Variants in SMARCAD1 observed in about 807,000 individuals in gnomAD.
SMARCAD1 encodes SNF2 related chromatin remodeling ATPase with DExD box 1.
SMARCAD1 carries 25 observed loss-of-function variants against 127.1 expected under a neutral mutation model. The observed-to-expected ratio is 0.20, with a 90% confidence interval of 0.14 to 0.27. The LOEUF (loss-of-function observed/expected upper bound fraction) is 0.27. Among genes scored for constraint, SMARCAD1 ranks in the 10% least tolerant of loss-of-function variants. The pLI is 1.00. For synonymous variants in SMARCAD1, 400 were observed against 396.9 expected (o/e 1.01, Z -0.09); for missense variants, 807 against 1,206.0 (o/e 0.67, Z 4.90).
intron 3 of SMARCAD1, among the ~76,000 whole-genome samples, chr4:94,226,714 A>C (rs991665361): frequency 6.6e-6 from 1 of 152,096 alleles, no homozygotes; most frequent in African/African-American, 2.4e-5. Flanking sequence ...GAAATACAAC[A>C]GTGAACAAAC....
At position 94,240,400 on chromosome 4, in the gene SMARCAD1, ATCC is replaced by A. The variant is rs1211648889; in HGVS notation, c.605-500_605-498del. Among the ~76,000 whole-genome samples the A allele has an allele frequency of 2.0e-5, 3 of 152,186 alleles. No homozygotes were observed. The South Asian group carries it at 6.2e-4, about 31-fold the overall frequency. On this transcript the variant is annotated intron_variant, in intron 5 of 23. Coordinates refer to ENST00000354268, the MANE Select transcript of SMARCAD1 (RefSeq NM_020159.5). Reference sequence around the variant, plus strand: ...TGTTGCTTAAGCTCTCTGTATCTCTATCCTCCTCATTTGTGAAATAAAAATGTT... The same window carrying A: ...TGTTGCTTAAGCTCTCTGTATCTCTATCCTCATTTGTGAAATAAAAATGTT...
chr4:94,278,630 A>G lies in SMARCAD1; in HGVS notation c.2193A>G (p.Leu731=). The G allele has an allele frequency of 1.9e-6, 3 of 1,614,034 alleles. No homozygotes were observed. Among genetic ancestry groups the G allele is most frequent in the Non-Finnish European group, 2.5e-6 (3 of 1,179,974 alleles). ...TTCTGTCTCAGGTTCTCAAGCAGTT[A>G]CCCCCCAAGAAAGATCGAATTGAGT... ...RRVKEEVLKQ[L]PPKKDRIELC... Residue 731 remains leucine, a synonymous_variant, in exon 18 of 24, where the codon TTA becomes TTG. Coordinates refer to ENST00000354268, the MANE Select transcript of SMARCAD1 (RefSeq NM_020159.5).
chr4:94,250,891 T>C (rs994430171), intron 8 of SMARCAD1, 58 bp downstream of exon 8: 3 of 1,336,592 alleles, frequency 2.2e-6, no homozygotes, highest in African/African-American at 1.5e-5. Flanking sequence ...TATTTTAGTA[T>C]ATAAGAAAAT....
intron 9 of SMARCAD1, chr4:94,253,221 A>T: frequency 1.3e-6 from 2 of 1,507,820 alleles, no homozygotes; most frequent in African/African-American, 1.4e-5. Context: ...TCCTGAAAAA[A>T]CCCAAGCTGA....
chr4:94,275,796 C>CTTTTATTTTATTTTATTTTT (rs1553920714), intron 14 of SMARCAD1, among the ~76,000 whole-genome samples: 21 of 85,386 alleles, frequency 2.5e-4, no homozygotes, highest in Admixed American at 8.9e-4. Flanking sequence ...TTAACATTTT[C>CTTTTATTTTATTTTATTTTT]TTTTTTTTTT....
chr4:94,280,909 G>A (rs918787451), intron 20 of SMARCAD1, 129 bp downstream of exon 20: 7 of 894,216 alleles, frequency 7.8e-6, no homozygotes, highest in African/African-American at 1.7e-5. Context: ...TTAGTGTTTT[G>A]AACATTTTCT....
At chr4:94,232,830 C>A (rs1746048585) in intron 3 of SMARCAD1, among the ~76,000 whole-genome samples, 1 of 100,796 alleles carries the variant, frequency 9.9e-6, no homozygotes. Flanking sequence ...ACAAAAAACA[C>A]AAAAATAGGT....
intron 9 of SMARCAD1, among the ~76,000 whole-genome samples, chr4:94,256,451 C>G (rs932957361): frequency 3.3e-5 from 5 of 152,168 alleles, no homozygotes; most frequent in Admixed American, 2.0e-4. Context: ...CAACCTCCAC[C>G]TCCCGGGTTC....
intron 6 of SMARCAD1, among the ~76,000 whole-genome samples, chr4:94,248,208 A>G (rs1748745982): frequency 6.6e-6 from 1 of 152,330 alleles, no homozygotes; most frequent in East Asian, 1.9e-4. Context: ...CTTACATAGC[A>G]TAATGCTTTC....
intron 10 of SMARCAD1, among the ~76,000 whole-genome samples, chr4:94,270,270 A>G (rs1044876814): frequency 1.2e-4 from 19 of 152,258 alleles, no homozygotes; most frequent in African/African-American, 4.6e-4. Context: ...ATTAGGAGTG[A>G]TTGACACACA....
rs1755488590 is a variant in SMARCAD1, at chr4:94,290,053, C to T, written c.*519C>T. 1 of 454,276 alleles carries T rather than the reference C, an allele frequency of 2.2e-6. No homozygotes were observed. Among genetic ancestry groups the T allele is most frequent in the Non-Finnish European group, 4.4e-6 (1 of 226,758 alleles). The allele number at this position is 454,276 out of a possible 1,614,324, so 28.1% of individuals were successfully genotyped here. ...ATTGCTATTTGAAGCAGATGTTCACCAATGTCAGCAAGAACTCAACCTGAA... is the reference window on the plus strand; with the variant it reads ...ATTGCTATTTGAAGCAGATGTTCACTAATGTCAGCAAGAACTCAACCTGAA... On this transcript the variant is annotated 3_prime_UTR_variant, in exon 24 of 24. Coordinates refer to ENST00000354268, the MANE Select transcript of SMARCAD1 (RefSeq NM_020159.5).
rs780159797 is a variant in SMARCAD1, at chr4:94,290,531, G to A, written c.*997G>A. ...CTGCATGGAAATAGGTCATTAACTT[G>A]AAACTCTTATCAAAATATATTTTAC... On this transcript the variant is annotated 3_prime_UTR_variant, in exon 24 of 24. Transcript: ENST00000354268. The A allele has an allele frequency of 2.2e-6, 1 of 454,440 alleles. No individual in the cohort carries two copies. Among genetic ancestry groups the A allele is most frequent in the South Asian group, 1.6e-5 (1 of 64,472 alleles). 28.2% of individuals were successfully genotyped at this position (454,440 alleles called of 1,614,324 possible). A position where few individuals can be genotyped will look rare whatever the true frequency, so the allele number is the denominator to read the frequency against.
In SMARCAD1 at chr4:94,289,889, C is replaced by T. The variant is rs1418266961; in HGVS notation, c.*355C>T. 2.2e-6 allele frequency: 1 copy of T among 458,696 alleles called. No homozygotes were observed. The highest frequency in any genetic ancestry group is 2.4e-5 in the Admixed American group (1 of 42,242). 28.4% of individuals were successfully genotyped at this position (458,696 alleles called of 1,614,324 possible). A position where few individuals can be genotyped will look rare whatever the true frequency, so the allele number is the denominator to read the frequency against. On this transcript the variant is annotated 3_prime_UTR_variant, in exon 24 of 24. Coordinates refer to ENST00000354268, the MANE Select transcript of SMARCAD1 (RefSeq NM_020159.5). The stretch of plus-strand genomic sequence containing the variant: ...CTACCTCCAAATATATATATATTGT[C>T]TTTCACTGGATAATGTGTGTAGATT...
intron 6 of SMARCAD1, 86 bp downstream of exon 6, chr4:94,241,092 A>AT: frequency 1.2e-6 from 1 of 850,512 alleles, no homozygotes; most frequent in East Asian, 2.6e-5. Flanking sequence ...AGACCTGAAA[A>AT]TCCACCTAAA....
At chr4:94,230,879 A>G (rs966314324) in intron 3 of SMARCAD1, among the ~76,000 whole-genome samples, 3 of 152,198 alleles carry the variant, frequency 2.0e-5, no homozygotes, top group Non-Finnish European at 4.4e-5. Context: ...GCTGAAAGGT[A>G]AAAGGAAAAT....
intron 21 of SMARCAD1, 115 bp downstream of exon 21, chr4:94,281,705 C>G (rs1754048899): frequency 1.4e-6 from 1 of 730,438 alleles, no homozygotes; most frequent in Non-Finnish European, 2.4e-6. Flanking sequence ...TTGATTACTT[C>G]AAATCATTAC....
Position 94,240,936 on chromosome 4 carries a change from C to A in SMARCAD1, c.635C>A (p.Ser212Tyr), listed in dbSNP as rs1314126116. The stretch of plus-strand genomic sequence containing the variant: ...GGGCCCAGGAAAAGAAAATTATCTT[C>A]TTCTTCAGAGCCATATGAGGAAGAT... ...GGGPRKRKLS[S>Y]SSEPYEEDEF... The change falls in exon 6 of 24, where the codon TCT becomes TAT. Residue 212 changes from serine (S) to tyrosine (Y), a missense_variant. Ser to Tyr is a moderately radical substitution (Grantham distance 144). Around this residue, in one of 8 missense-constraint regions of SMARCAD1, gnomAD observed 48 missense variants for 90.8 expected, o/e 0.53. Transcript: ENST00000354268. 1 of 1,613,302 alleles carries A rather than the reference C, an allele frequency of 6.2e-7. No individual in the cohort carries two copies. The highest frequency in any genetic ancestry group is 1.7e-5 in the Admixed American group (1 of 59,978).
chr4:94,237,007 T>C lies in SMARCAD1; in HGVS notation c.593T>C (p.Phe198Ser). ...DGAIAAALLM[F>S]GDAGGGPRKR... ...GCAATTGCTGCTGCCTTGCTGATGT[T>C]TGGTGATGCAGGTATGCTTGACTTA... Residue 198 changes from phenylalanine to serine, a missense_variant, in exon 5 of 24, where the codon TTT becomes TCT. Phe to Ser is a radical substitution (Grantham distance 155). Around this residue, in one of 8 missense-constraint regions of SMARCAD1, gnomAD observed 48 missense variants for 90.8 expected, o/e 0.53. Coordinates refer to ENST00000354268, the MANE Select transcript of SMARCAD1 (RefSeq NM_020159.5). The C allele has an allele frequency of 6.2e-7, 1 of 1,613,376 alleles. No individual in the cohort carries two copies. Among genetic ancestry groups the C allele is most frequent in the Non-Finnish European group, 8.5e-7 (1 of 1,179,584 alleles).
intron 6 of SMARCAD1, among the ~76,000 whole-genome samples, chr4:94,242,207 G>GT (rs113120915): frequency 0.14 from 20,194 of 146,912 alleles, 1,618 homozygotes; most frequent in Non-Finnish European, 0.19. Context: ...CTGTTTTTTT[G>GT]TTTTTTTTTT....
Sources: gnomAD v4.1 joint callset for allele counts (sites outside exome capture counted in the v4.1 genomes callset) on GRCh38, gnomAD v4.1.1 for gene constraint, gnomAD v4.1.1 regional missense constraint, MANE v1.5 for transcripts, NCBI Gene and HGNC (gene_info 2026-07-23, HGNC 2026-07-21) for gene names.